The following LDB2 variants were observed in gnomAD, a reference collection of about 807,000 sequenced individuals.
The protein encoded by LDB2 is LIM domain binding 2.
In LDB2, 12 loss-of-function variants were observed where a neutral mutation model predicts 44.3. The ratio of observed to expected loss-of-function variants is 0.27; its 90% CI spans 0.17 to 0.44. The LOEUF (loss-of-function observed/expected upper bound fraction) is 0.44, where lower values mean the gene tolerates loss of function less well. Among genes scored for constraint, LDB2 ranks in the 20% least tolerant of loss-of-function variants. The pLI is 1.00. For missense variants in LDB2, 344 were observed against 473.5 expected (o/e 0.73, Z 2.54); for synonymous variants, 164 against 174.8 (o/e 0.94, Z 0.49).
chr4:16,767,216 C>T (rs1318745555), intron 1 of LDB2, among the ~76,000 whole-genome samples: 2 of 152,152 alleles, frequency 1.3e-5, no homozygotes, highest in Admixed American at 6.5e-5. Flanking sequence ...GAGACTAGCT[C>T]TGCTGGGAGA....
At position 16,504,316 on chromosome 4, in the gene LDB2, A is replaced by G. The variant is rs144661645; in HGVS notation, c.892-1443T>C. Among the ~76,000 whole-genome samples the G allele has an allele frequency of 2.6e-5, 4 of 152,310 alleles. No individual in the cohort carries two copies. The East Asian group carries it at 7.7e-4, about 29-fold the overall frequency. Reference sequence around the variant, plus strand: ...CTTAGTTACCCCCTAGTCTTTTACAATGGAAAACCTTGTTTTATTTATTTC... The same window carrying G: ...CTTAGTTACCCCCTAGTCTTTTACAGTGGAAAACCTTGTTTTATTTATTTC... On this transcript the variant is annotated intron_variant, in intron 7 of 7. Transcript: ENST00000304523.
At chr4:16,870,617 C>T (rs181812073) in intron 1 of LDB2, among the ~76,000 whole-genome samples, 1 of 148,368 alleles carries the variant, frequency 6.7e-6, no homozygotes, top group East Asian at 2.2e-4. Flanking sequence ...CACTCACTTC[C>T]TTGCATTCTC....
intron 1 of LDB2, among the ~76,000 whole-genome samples, chr4:16,857,548 C>T (rs999669039): frequency 6.6e-6 from 1 of 152,228 alleles, no homozygotes; most frequent in East Asian, 1.9e-4. Flanking sequence ...CAAAGCCTGG[C>T]TTCCTTTAAT....
intron 1 of LDB2, among the ~76,000 whole-genome samples, chr4:16,809,281 T>G (rs1779332645): frequency 6.6e-6 from 1 of 152,226 alleles, no homozygotes; most frequent in African/African-American, 2.4e-5. Flanking sequence ...TACATTACTT[T>G]TGTATATAAG....
chr4:16,665,249 T>C (rs1310814499), intron 2 of LDB2, among the ~76,000 whole-genome samples: 1 of 8,096 alleles, frequency 1.2e-4, no homozygotes, highest in Non-Finnish European at 3.8e-4. Flanking sequence ...GAAGTAGATA[T>C]TCTCTTTTTT....
chr4:16,505,828 A>G (rs1347521292), intron 7 of LDB2: 2 of 1,537,354 alleles, frequency 1.3e-6, no homozygotes, highest in Non-Finnish European at 1.8e-6. Context: ...CCCCCGTGCA[A>G]AGACCACCAA....
At chr4:16,779,598 G>A (rs1427056039) in intron 1 of LDB2, among the ~76,000 whole-genome samples, 1 of 152,178 alleles carries the variant, frequency 6.6e-6, no homozygotes, top group Non-Finnish European at 1.5e-5. Context: ...TAGGAGACAT[G>A]GCTGCGTCCT....
At chr4:16,853,554 G>A (rs763092076) in intron 1 of LDB2, among the ~76,000 whole-genome samples, 3 of 152,152 alleles carry the variant, frequency 2.0e-5, no homozygotes, top group African/African-American at 4.8e-5. Flanking sequence ...CAGCCATTAC[G>A]GAAAACAGGA....
chr4:16,562,239 G>A (rs908500033), intron 5 of LDB2, among the ~76,000 whole-genome samples: 6 of 151,960 alleles, frequency 3.9e-5, no homozygotes, highest in Non-Finnish European at 5.9e-5. Flanking sequence ...TAAACTAAAG[G>A]GCTTCTGCAC....
rs558145801 is a variant in LDB2, at chr4:16,885,012, T to C, written c.132+13342A>G. Among the ~76,000 whole-genome samples, 26 of 152,208 alleles carry C rather than the reference T, an allele frequency of 1.7e-4. 1 individual carries two copies. Among genetic ancestry groups the C allele is most frequent in the African/African-American group, 6.0e-4 (25 of 41,532 alleles). On this transcript the variant is annotated intron_variant, in intron 1 of 7. Transcript: ENST00000304523. ...GAGGACATAATCTTATTGTACAACC[T>C]ATGTTGTACTAGAAGCATACGTGTA... is the stretch of plus-strand genomic sequence containing the variant.
intron 1 of LDB2, among the ~76,000 whole-genome samples, chr4:16,806,425 CA>C (rs1463011178): frequency 2.6e-5 from 4 of 152,192 alleles, no homozygotes; most frequent in African/African-American, 9.6e-5. Flanking sequence ...CAGCCCACAG[CA>C]GATGAAAGTT....
intron 1 of LDB2, chr4:16,889,390 T>A (rs1050617211): frequency 1.3e-5 from 2 of 152,200 alleles, no homozygotes; most frequent in African/African-American, 4.8e-5. Flanking sequence ...TAAATATTTT[T>A]AATCAGAAGT....
intron 1 of LDB2, among the ~76,000 whole-genome samples, chr4:16,823,464 G>T (rs769268445): frequency 6.6e-6 from 1 of 152,160 alleles, no homozygotes; most frequent in Non-Finnish European, 1.5e-5. Context: ...CCCTGAACCT[G>T]ATTTAAGTCT....
At chr4:16,835,318 A>T (rs968804512) in intron 1 of LDB2, among the ~76,000 whole-genome samples, 1 of 152,214 alleles carries the variant, frequency 6.6e-6, no homozygotes, top group African/African-American at 2.4e-5. Flanking sequence ...AGGTAGCCCA[A>T]TGTTGCGGTC....
chr4:16,689,497 A>C (rs1041255473), intron 2 of LDB2, among the ~76,000 whole-genome samples: 2 of 152,238 alleles, frequency 1.3e-5, no homozygotes, highest in African/African-American at 4.8e-5. Flanking sequence ...TTCAAAGATA[A>C]GCTCTATGGT....
At position 16,502,784 on chromosome 4, in the gene LDB2, T is replaced by C; in HGVS notation, c.981A>G (p.Gln327=). The C allele has an allele frequency of 6.2e-7, 1 of 1,614,118 alleles. No individual in the cohort carries two copies. Among genetic ancestry groups the C allele is most frequent in the Non-Finnish European group, 8.5e-7 (1 of 1,179,984 alleles). ...ERLITRLENT[Q]YDAANGMDDE... ...CGTCCATGCCGTTGGCCGCATCATA[T>C]TGCGTGTTTTCTAATCTAGTGATTA... Residue 327 remains glutamine (Q), a synonymous_variant, in exon 8 of 8, where the codon CAA becomes CAG. Coordinates refer to ENST00000304523, the MANE Select transcript of LDB2 (RefSeq NM_001290.5).
chr4:16,824,080 C>A (rs760418651), intron 1 of LDB2, among the ~76,000 whole-genome samples: 15 of 152,212 alleles, frequency 9.9e-5, no homozygotes, highest in Non-Finnish European at 2.2e-4. Flanking sequence ...AATAAAAGTA[C>A]TGCTCAACAC....
chr4:16,655,798 C>T (rs977014051), intron 2 of LDB2, among the ~76,000 whole-genome samples: 1 of 150,722 alleles, frequency 6.6e-6, no homozygotes, highest in African/African-American at 2.4e-5. Context: ...TCAAACATAG[C>T]AGGTGAAAAA....
intron 1 of LDB2, among the ~76,000 whole-genome samples, chr4:16,774,686 G>A (rs996457072): frequency 1.3e-5 from 2 of 152,152 alleles, no homozygotes; most frequent in Non-Finnish European, 2.9e-5. Context: ...AGCTGGTACA[G>A]TTTGGAGTCA....
Sources: gnomAD v4.1 joint callset for allele counts (sites outside exome capture counted in the v4.1 genomes callset) on GRCh38, gnomAD v4.1.1 for gene constraint, MANE v1.5 for transcripts, NCBI Gene and HGNC (gene_info 2026-07-23, HGNC 2026-07-21) for gene names.